OPRM1: variants seen among roughly 807,000 people sequenced by gnomAD.
OPRM1 encodes the protein opioid receptor mu 1.
In OPRM1, 27 loss-of-function variants were observed where a neutral mutation model predicts 31.8. The observed-to-expected ratio is 0.85, with a 90% CI of 0.63 to 1.17. The LOEUF (loss-of-function observed/expected upper bound fraction) is 1.17. OPRM1 is among the 50% of genes most tolerant of loss of function. The pLI is 0.00. For synonymous variants in OPRM1, 196 were observed against 189.9 expected, an observed-to-expected ratio of 1.03 and a Z score of -0.26; for missense variants, 536 against 511.1, an observed-to-expected ratio of 1.05 and a Z score of -0.47.
upstream of OPRM1, among the ~76,000 whole-genome samples, chr6:154,034,327 G>A (rs1374743595): frequency 6.6e-6 from 1 of 152,172 alleles, no homozygotes. Flanking sequence ...GGCAGATGAC[G>A]AGGTCAGGAG....
chr6:154,110,177 GT>G (rs777422722), intron 3 of OPRM1, among the ~76,000 whole-genome samples: 5 of 151,954 alleles, frequency 3.3e-5, no homozygotes, highest in Non-Finnish European at 5.9e-5. Flanking sequence ...ATAGAGCAGG[GT>G]TTTCCCTTTT....
intron 3 of OPRM1, among the ~76,000 whole-genome samples, chr6:154,184,188 A>C (rs1157845766): frequency 6.6e-6 from 1 of 151,660 alleles, no homozygotes; most frequent in Non-Finnish European, 1.5e-5. Flanking sequence ...TACACTGAAA[A>C]CTTTCTCTTA....
chr6:154,087,603 C>G (rs1321676670), intron 1 of OPRM1: 1 of 984,814 alleles, frequency 1.0e-6, no homozygotes, highest in Admixed American at 6.1e-5. Context: ...AAAACTAATA[C>G]ACTCTTTGTC....
chr6:154,183,906 A>G (rs1461010874), intron 3 of OPRM1, among the ~76,000 whole-genome samples: 1 of 152,128 alleles, frequency 6.6e-6, no homozygotes, highest in Non-Finnish European at 1.5e-5. Context: ...AAACAAACAA[A>G]AAAAACAAAA....
intron 1 of OPRM1, among the ~76,000 whole-genome samples, chr6:154,019,747 C>CTTTTCTTTTTTTTTTTTTTTTTTTT (rs61209522): frequency 1.6e-5 from 2 of 122,016 alleles, no homozygotes; most frequent in African/African-American, 6.8e-5. Flanking sequence ...CTTTTCTTTT[C>CTTTTCTTTTTTTTTTTTTTTTTTTT]TTTTTTTTTT....
chr6:154,056,477 C>T (rs945468372), intron 1 of OPRM1, among the ~76,000 whole-genome samples: 6 of 151,886 alleles, frequency 4.0e-5, no homozygotes, highest in Admixed American at 3.9e-4. Flanking sequence ...GTGGCTATTT[C>T]TAACACCTTC....
downstream of OPRM1, among the ~76,000 whole-genome samples, chr6:154,135,239 C>T (rs554194198): frequency 2.0e-4 from 31 of 152,244 alleles, no homozygotes; most frequent in Non-Finnish European, 4.4e-4. Flanking sequence ...GAGGCCAAGG[C>T]GGGTGGATCA....
At chr6:154,138,233 A>C (rs566358667) in intron 3 of OPRM1, among the ~76,000 whole-genome samples, 45 of 152,300 alleles carry the variant, frequency 3.0e-4, no homozygotes, top group Middle Eastern at 6.8e-3. Flanking sequence ...GACAGTATGC[A>C]AAAAGCTTTC....
chr6:154,095,242 G>T (rs148155447), intron 3 of OPRM1, among the ~76,000 whole-genome samples: 46 of 152,338 alleles, frequency 3.0e-4, no homozygotes, highest in African/African-American at 1.0e-3. Context: ...AGTGAGCCCA[G>T]GTCGTGCCAT....
In OPRM1 at chr6:154,168,455, G is replaced by C. The variant is rs1173980058; in HGVS notation, c.1164+76983G>C. On this transcript the variant is annotated intron_variant, in intron 3 of 3. Coordinates refer to the OPRM1 transcript ENST00000337049. This position sits in a 1 kb window ranked among gnomAD's most constrained non-coding sequence, Gnocchi z 4.1. The stretch of plus-strand genomic sequence containing the variant: ...GTGTCCAAACTCCCCCTATTTATGA[G>C]GGTATCAGTCATGTTGGATTAGAAA... Among the ~76,000 whole-genome samples, 2 of 152,024 alleles carry C rather than the reference G, an allele frequency of 1.3e-5. No homozygotes were observed. Among genetic ancestry groups the C allele is most frequent in the East Asian group, 3.9e-4 (2 of 5,186 alleles).
chr6:154,189,981 T>C (rs1434810119), intron 3 of OPRM1, among the ~76,000 whole-genome samples: 1 of 151,766 alleles, frequency 6.6e-6, no homozygotes, highest in Non-Finnish European at 1.5e-5. Context: ...CACATTAATA[T>C]GTACAATTGT....
intron 1 of OPRM1, among the ~76,000 whole-genome samples, chr6:154,029,975 G>A (rs1014526813): frequency 6.6e-5 from 10 of 152,004 alleles, no homozygotes; most frequent in Non-Finnish European, 1.5e-5. Context: ...TCTCAGATAT[G>A]TTTTATTAGC....
At chr6:154,235,915 T>C (rs1780094403) in intron 3 of OPRM1, among the ~76,000 whole-genome samples, 1 of 152,180 alleles carries the variant, frequency 6.6e-6, no homozygotes, top group South Asian at 2.1e-4. Context: ...CTGTTGAGGA[T>C]GTAGAGAAAA....
chr6:154,011,512 T>C (rs979151899), intron 1 of OPRM1, among the ~76,000 whole-genome samples: 3 of 152,192 alleles, frequency 2.0e-5, no homozygotes, highest in African/African-American at 7.2e-5. Flanking sequence ...ATTATCTTTG[T>C]ACACCTATAT....
At chr6:154,057,061 A>T (rs1022285218) in intron 1 of OPRM1, among the ~76,000 whole-genome samples, 3 of 152,152 alleles carry the variant, frequency 2.0e-5, no homozygotes, top group Non-Finnish European at 2.9e-5. Context: ...AATAAATAAA[A>T]CACATATCTA....
chr6:154,059,274 T>C (rs1783937119), intron 1 of OPRM1, among the ~76,000 whole-genome samples: 1 of 152,218 alleles, frequency 6.6e-6, no homozygotes, highest in South Asian at 2.1e-4. Flanking sequence ...TAACTCAATC[T>C]AGGTCTGTAA....
chr6:154,212,985 C>T, intron 3 of OPRM1: 1 of 687,098 alleles, frequency 1.5e-6, no homozygotes, highest in East Asian at 2.7e-5. Flanking sequence ...ATCTAATGAA[C>T]TACCTGGTAA....
intron 3 of OPRM1, among the ~76,000 whole-genome samples, chr6:154,208,218 A>G (rs1251940266): frequency 6.9e-6 from 1 of 144,684 alleles, no homozygotes; most frequent in East Asian, 2.1e-4. Flanking sequence ...ATTTCCTACT[A>G]CTCTCATCTT....
At chr6:154,144,605 G>T (rs1160651535) in intron 3 of OPRM1, among the ~76,000 whole-genome samples, 1 of 151,938 alleles carries the variant, frequency 6.6e-6, no homozygotes, top group African/African-American at 2.4e-5. Context: ...AAAATTAGCT[G>T]GGTGTGGTGG....
Sources: gnomAD v4.1 joint callset for allele counts (sites outside exome capture counted in the v4.1 genomes callset) on GRCh38, gnomAD v4.1.1 for gene constraint, Gnocchi (gnomAD v3.1) non-coding constraint, MANE v1.5 for transcripts, NCBI Gene and HGNC (gene_info 2026-07-23, HGNC 2026-07-21) for gene names.